Variants in TYK2 observed in about 807,000 individuals in gnomAD.
The protein encoded by TYK2 is non-receptor tyrosine-protein kinase TYK2.
A neutral mutation model predicts 130.9 loss-of-function variants in TYK2; 65 were observed. The observed-to-expected ratio is 0.50, with a 90% confidence interval of 0.41 to 0.61. TYK2 has a LOEUF of 0.61. Ranked by LOEUF, TYK2 falls within the 20% of genes least tolerant of loss-of-function variation. TYK2 has a pLI of 0.00. For synonymous variants in TYK2, 647 were observed against 658.9 expected, an observed-to-expected ratio of 0.98 and a Z score of 0.28; for missense variants, 1,378 against 1,610.7, an observed-to-expected ratio of 0.86 and a Z score of 2.47.
intron 3 of TYK2, among the ~76,000 whole-genome samples, chr19:10,375,314 C>T (rs902513622): frequency 2.6e-5 from 4 of 152,076 alleles, no homozygotes; most frequent in Admixed American, 6.6e-5. Flanking sequence ...TAACCAAAGC[C>T]GCCTTAGAAA....
Position 10,364,823 on chromosome 19 carries a change from C to G in TYK2, c.1209+28G>C. 6.2e-7 allele frequency: 1 copy of G among 1,613,958 alleles called. No individual in the cohort carries two copies. The highest frequency in any genetic ancestry group is 8.5e-7 in the Non-Finnish European group (1 of 1,180,026). On this transcript the variant is annotated intron_variant, in intron 8 of 24. Coordinates refer to ENST00000525621, the MANE Select transcript of TYK2 (RefSeq NM_003331.5). The surrounding 1 kb of genome is among the most constrained non-coding windows in gnomAD (Gnocchi z 4.9). Reference sequence around the variant, plus strand: ...GTGTCCTCCCAGGCCATGATGGGCCCTAGCCCAGCCCCTACCCTGGGCCTC... The same window carrying G: ...GTGTCCTCCCAGGCCATGATGGGCCGTAGCCCAGCCCCTACCCTGGGCCTC...
At chr19:10,375,675 G>A (rs1016715483) in intron 3 of TYK2, among the ~76,000 whole-genome samples, 1 of 151,556 alleles carries the variant, frequency 6.6e-6, no homozygotes, top group African/African-American at 2.4e-5. Flanking sequence ...CCAGCACTTT[G>A]GAGGGCCGAG....
chr19:10,357,902 G>A lies in TYK2; in HGVS notation c.2328C>T (p.Ile776=). The part of the protein sequence containing the change: ...ALSREERVER[I]PWLAPECLPG... ...GTAGGCATTCGGGGGCCAGCCAGGG[G>A]ATCCTCTCCACCCGCTCTGGGAGGC... Residue 776 remains isoleucine, a synonymous_variant, in exon 17 of 25, where the codon ATC becomes ATT. Coordinates refer to ENST00000525621, the MANE Select transcript of TYK2 (RefSeq NM_003331.5). The A allele has an allele frequency of 1.2e-6, 2 of 1,613,574 alleles. No individual in the cohort carries two copies. The highest frequency in any genetic ancestry group is 1.7e-6 in the Non-Finnish European group (2 of 1,180,032).
At position 10,362,464 on chromosome 19, in the gene TYK2, G is replaced by A; in HGVS notation, c.1477-8C>T. 6.3e-7 allele frequency: 1 copy of A among 1,585,558 alleles called. No homozygotes were observed. Among genetic ancestry groups the A allele is most frequent in the Non-Finnish European group, 8.6e-7 (1 of 1,164,968 alleles). ...CTGCATGCCGTCTGGTGCCTGGCAG[G>A]AGGTGGCAGAGGTGGGAGCAGTAAG... On this transcript the variant is annotated splice_polypyrimidine_tract_variant and splice_region_variant and intron_variant, in intron 10 of 24. Transcript: ENST00000525621.
At chr19:10,354,684 C>T in intron 18 of TYK2, 75 bp from the exon 19 acceptor site, 1 of 1,208,390 alleles carries the variant, frequency 8.3e-7, no homozygotes, top group Non-Finnish European at 1.2e-6. Context: ...AGTCACAAAG[C>T]CAGCCACAGC....
At chr19:10,374,045 T>C (rs1315001517) in intron 3 of TYK2, among the ~76,000 whole-genome samples, 1 of 151,682 alleles carries the variant, frequency 6.6e-6, no homozygotes, top group Non-Finnish European at 1.5e-5. Context: ...GGTGGGCGGA[T>C]CACGAGGTCA....
rs372903125 is a variant in TYK2 at position 10,350,843 on chromosome 19, G to A, written c.3555C>T (p.Ser1185=). The A allele has an allele frequency of 3.4e-5, 55 of 1,613,360 alleles. No homozygotes were observed. In the East Asian group the frequency reaches 4.2e-4, roughly 12 times the overall value. ...KYQGQAPSVF[S]VC is the part of the protein sequence containing the mutation. ...GGGCTGCCATTGTGCCTCAGCACACGCTGAACACTGAAGGGGCCTGGCCTT... is the reference window on the plus strand; with the variant it reads ...GGGCTGCCATTGTGCCTCAGCACACACTGAACACTGAAGGGGCCTGGCCTT... The change falls in exon 25 of 25, where the codon AGC becomes AGT. Residue 1185 remains serine, a synonymous_variant. Transcript: ENST00000525621.
At position 10,361,439 on chromosome 19, in the gene TYK2, T is replaced by C; in HGVS notation, c.2047+72A>G. 7.5e-7 allele frequency: 1 copy of C among 1,328,626 alleles called. No individual in the cohort carries two copies. Among genetic ancestry groups the C allele is most frequent in the Non-Finnish European group, 1.0e-6 (1 of 991,040 alleles). 82.3% of individuals were successfully genotyped at this position (1,328,626 alleles called of 1,614,324 possible). ...TTGGGGTGTAGGTCGAGGGTTGGGG[T>C]ACAGATCAGGGAGTGGGTATAAGTC... is the stretch of plus-strand genomic sequence containing the variant. On this transcript the variant is annotated intron_variant, in intron 14 of 24. Transcript: ENST00000525621. The surrounding 1 kb of genome is among the most constrained non-coding windows in gnomAD (Gnocchi z 4.0).
chr19:10,354,754 C>T lies in TYK2; in HGVS notation c.2618-145G>A, dbSNP rs1188875642. 5 of 711,864 alleles carry T rather than the reference C, an allele frequency of 7.0e-6. No individual in the cohort carries two copies. The Admixed American group carries it at 1.0e-4, about 15-fold the overall frequency. 44.1% of individuals were successfully genotyped at this position (711,864 alleles called of 1,614,324 possible). On this transcript the variant is annotated intron_variant, in intron 18 of 24. Transcript: ENST00000525621. ...TTTTCCTGCAACAGCTGAAAGAGTCCACTTATTGTACAAAATGATGCAGAG... is the reference window on the plus strand; with the variant it reads ...TTTTCCTGCAACAGCTGAAAGAGTCTACTTATTGTACAAAATGATGCAGAG...
At chr19:10,357,707 T>C (rs1341373124) in intron 17 of TYK2, 57 bp downstream of exon 17, 3 of 1,554,880 alleles carry the variant, frequency 1.9e-6, no homozygotes, top group African/African-American at 1.4e-5. Flanking sequence ...TTCTGTCCTC[T>C]GGATTTCTTG....
intron 9 of TYK2, among the ~76,000 whole-genome samples, chr19:10,362,987 C>T (rs1182009730): frequency 4.0e-5 from 5 of 125,228 alleles, no homozygotes; most frequent in Non-Finnish European, 8.6e-5. Flanking sequence ...CTTGCCTCAA[C>T]ACCTCAACCT....
At chr19:10,377,515 A>G (rs1248386159) in intron 3 of TYK2, among the ~76,000 whole-genome samples, 232 of 8,934 alleles carry the variant, frequency 0.026, no homozygotes, top group African/African-American at 0.03. Context: ...TGAGTGGGTG[A>G]GTGGGTGGGT....
In TYK2 at chr19:10,356,529, C is replaced by T. The variant is rs375378368; in HGVS notation, c.2617+39G>A. ...CATACAGCAGGGATCCCAGCCCCGTCCCACTTCCCCAGGGTCCCAGCACTG... is the reference window on the plus strand; with the variant it reads ...CATACAGCAGGGATCCCAGCCCCGTTCCACTTCCCCAGGGTCCCAGCACTG... On this transcript the variant is annotated intron_variant, in intron 18 of 24. Transcript: ENST00000525621. 1.3e-4 allele frequency: 205 copies of T among 1,610,382 alleles called. No homozygotes were observed. In the African/African-American group the frequency reaches 2.5e-3, roughly 20 times the overall value.
At chr19:10,359,385 G>A (rs1472521674) in intron 14 of TYK2, 83 bp from the exon 15 acceptor site, 1 of 1,532,436 alleles carries the variant, frequency 6.5e-7, no homozygotes, top group African/African-American at 1.4e-5. Context: ...GCCAGGGAGG[G>A]ACTTGGCATG....
At chr19:10,357,109 C>T in intron 17 of TYK2, 1 of 386,768 alleles carries the variant, frequency 2.6e-6, no homozygotes. Context: ...TCTTCTGGGG[C>T]CGGGCACTGT....
chr19:10,362,862 T>C (rs2041478282), intron 9 of TYK2, among the ~76,000 whole-genome samples: 1 of 152,090 alleles, frequency 6.6e-6, no homozygotes, highest in Non-Finnish European at 1.5e-5. Context: ...ACACCTGCTT[T>C]TTTGTTTATT....
At position 10,352,992 on chromosome 19, in the gene TYK2, G is replaced by T; in HGVS notation, c.3134C>A (p.Ala1045Asp). The change falls in exon 22 of 25, where the codon GCC becomes GAC. Residue 1045 changes from alanine (A) to aspartate (D), a missense_variant. Ala to Asp is a moderately radical substitution (Grantham distance 126). Transcript: ENST00000525621. ...RLVKIGDFGL[A>D]KAVPEGHEYY... ...CTCGTGGCCTTCGGGCACGGCCTTG[G>T]CTAGGCCAAAGTCCCCGATCTTGAC... is the stretch of plus-strand genomic sequence containing the variant. 1 of 1,606,752 alleles carries T rather than the reference G, an allele frequency of 6.2e-7. No individual in the cohort carries two copies.
chr19:10,358,283 A>ATT, intron 15 of TYK2, 145 bp from the exon 16 acceptor site: 1 of 288,522 alleles, frequency 3.5e-6, no homozygotes, highest in East Asian at 6.5e-5. Context: ...TTGGGGGGTT[A>ATT]TTTTTTTCTT....
rs116166572 is a variant in TYK2, at chr19:10,361,833, G to A, written c.1896C>T (p.Asp632=). The change falls in exon 13 of 25, where the codon GAC becomes GAT. Residue 632 remains aspartate, a synonymous_variant. Transcript: ENST00000525621. The surrounding 1 kb of genome is among the most constrained non-coding windows in gnomAD (Gnocchi z 4.0). ...GCACCACTCGTAGCTCCTGCCCACGGTCCCTGCCAGGCACGAGGGGGTCCT... is the reference window on the plus strand; with the variant it reads ...GCACCACTCGTAGCTCCTGCCCACGATCCCTGCCAGGCACGAGGGGGTCCT... ...DDEDPLVPGR[D]RGQELRVVLK... 2 of 1,613,970 alleles carry A rather than the reference G, an allele frequency of 1.2e-6. No homozygotes were observed. Among genetic ancestry groups the A allele is most frequent in the African/African-American group, 2.7e-5 (2 of 74,988 alleles).
Sources: gnomAD v4.1 joint callset for allele counts (sites outside exome capture counted in the v4.1 genomes callset) on GRCh38, gnomAD v4.1.1 for gene constraint, Gnocchi (gnomAD v3.1) non-coding constraint, MANE v1.5 for transcripts, NCBI Gene and HGNC (gene_info 2026-07-23, HGNC 2026-07-21) for gene names.